Variants in KHDC1 observed in about 807,000 individuals in gnomAD.
The protein encoded by KHDC1 is KH domain containing 1.
In KHDC1, 21 loss-of-function variants were observed where a neutral mutation model predicts 24.7. That is an observed-to-expected ratio of 0.85 (90% confidence interval 0.60 to 1.23). The LOEUF (loss-of-function observed/expected upper bound fraction) is 1.23, where lower values mean the gene tolerates loss of function less well. KHDC1 is among the 50% of genes most tolerant of loss of function. The pLI is 0.00. For missense variants in KHDC1, 274 were observed against 298.5 expected, an observed-to-expected ratio of 0.92 and a Z score of 0.61; for synonymous variants, 98 against 111.7, an observed-to-expected ratio of 0.88 and a Z score of 0.77.
intron 1 of KHDC1, among the ~76,000 whole-genome samples, chr6:73,306,821 A>G (rs1422162898): frequency 6.6e-6 from 1 of 152,148 alleles, no homozygotes; most frequent in East Asian, 1.9e-4. Context: ...ATCCTGGCCA[A>G]CACGGTGAAA....
At chr6:73,257,616 C>T (rs959251231) in intron 2 of KHDC1, among the ~76,000 whole-genome samples, 3 of 151,962 alleles carry the variant, frequency 2.0e-5, no homozygotes, top group African/African-American at 4.8e-5. Flanking sequence ...CCAGGATGGT[C>T]TCAATCTCCT....
chr6:73,279,254 A>G (rs1233791385), intron 2 of KHDC1, among the ~76,000 whole-genome samples: 1 of 152,152 alleles, frequency 6.6e-6, no homozygotes, highest in East Asian at 1.9e-4. Flanking sequence ...TAAAAATACA[A>G]AAAACTTAGC....
intron 2 of KHDC1, among the ~76,000 whole-genome samples, chr6:73,289,016 G>C (rs554357205): frequency 6.6e-6 from 1 of 152,190 alleles, no homozygotes; most frequent in South Asian, 2.1e-4. Context: ...TTCAGCCACA[G>C]ACAGACAAAT....
At chr6:73,287,123 C>T (rs1256217616) in intron 2 of KHDC1, among the ~76,000 whole-genome samples, 6 of 152,254 alleles carry the variant, frequency 3.9e-5, no homozygotes, top group Middle Eastern at 3.4e-3. Flanking sequence ...CAAGAGGACC[C>T]AGAAAATATA....
intron 1 of KHDC1, among the ~76,000 whole-genome samples, chr6:73,305,907 C>G (rs1206267680): frequency 6.6e-6 from 1 of 152,156 alleles, no homozygotes; most frequent in Admixed American, 6.5e-5. Context: ...GATCTGCCCA[C>G]CTTGGCCTCC....
intron 2 of KHDC1, among the ~76,000 whole-genome samples, chr6:73,246,299 G>C (rs561537864): frequency 6.6e-6 from 1 of 152,148 alleles, no homozygotes; most frequent in Non-Finnish European, 1.5e-5. Context: ...TAACTTCTGG[G>C]AGAAGGTCAT....
intron 2 of KHDC1, among the ~76,000 whole-genome samples, chr6:73,243,309 A>ATGTTATGTT (rs1766609888): frequency 6.6e-6 from 1 of 152,154 alleles, no homozygotes; most frequent in African/African-American, 2.4e-5. Flanking sequence ...AGATTCAACT[A>ATGTTATGTT]TGCCTGTCAG....
intron 1 of KHDC1, chr6:73,293,347 G>A (rs1167419948): frequency 1.0e-5 from 5 of 479,762 alleles, no homozygotes; most frequent in African/African-American, 2.0e-5. Context: ...TTATATAAAG[G>A]GTGACTTACA....
chr6:73,283,991 C>G (rs1318733446), intron 2 of KHDC1, among the ~76,000 whole-genome samples: 1 of 152,014 alleles, frequency 6.6e-6, no homozygotes, highest in Admixed American at 6.6e-5. Flanking sequence ...GCATGGCTGA[C>G]CCCATCTTGC....
At chr6:73,244,970 G>A (rs1054855791) in intron 2 of KHDC1, among the ~76,000 whole-genome samples, 7 of 152,058 alleles carry the variant, frequency 4.6e-5, no homozygotes, top group South Asian at 2.1e-4. Flanking sequence ...TATAGTCTGC[G>A]AAAAAAGCAC....
chr6:73,284,823 T>C (rs1767490085), intron 2 of KHDC1: 1 of 152,096 alleles, frequency 6.6e-6, no homozygotes, highest in South Asian at 2.1e-4. Context: ...ATTAAAGGAT[T>C]GCCTGTGAAG....
chr6:73,243,528 A>G (rs1030325061), intron 2 of KHDC1, among the ~76,000 whole-genome samples: 1 of 152,256 alleles, frequency 6.6e-6, no homozygotes, highest in Admixed American at 6.5e-5. Flanking sequence ...ACACACAGTG[A>G]ATATATAATG....
chr6:73,294,658 A>G (rs1028818919), intron 1 of KHDC1, among the ~76,000 whole-genome samples: 1 of 152,228 alleles, frequency 6.6e-6, no homozygotes, highest in Non-Finnish European at 1.5e-5. Flanking sequence ...GTGATAAATT[A>G]TTTAATTTTA....
At chr6:73,290,569 G>A (rs1017374210) in intron 2 of KHDC1, 5 of 503,012 alleles carry the variant, frequency 9.9e-6, no homozygotes, top group African/African-American at 7.8e-5. Flanking sequence ...ATCTGAAGAG[G>A]AACTGGGAGA....
At chr6:73,272,857 T>TTTTC (rs1767206646) in intron 2 of KHDC1, among the ~76,000 whole-genome samples, 2 of 127,862 alleles carry the variant, frequency 1.6e-5, no homozygotes, top group African/African-American at 3.3e-5. Flanking sequence ...TTTTCTTTTC[T>TTTTC]TTTTCTTTTT....
At chr6:73,280,454 T>C (rs1018269334) in intron 2 of KHDC1, among the ~76,000 whole-genome samples, 1 of 151,696 alleles carries the variant, frequency 6.6e-6, no homozygotes, top group Non-Finnish European at 1.5e-5. Flanking sequence ...TGACCCAACA[T>C]GCCAAGCCAA....
At chr6:73,271,163 C>T (rs192836226) in intron 2 of KHDC1, among the ~76,000 whole-genome samples, 4 of 151,980 alleles carry the variant, frequency 2.6e-5, no homozygotes, top group Non-Finnish European at 5.9e-5. Context: ...CTATTAATTT[C>T]TTTTTGAAAT....
chr6:73,263,252 T>A (rs1178144307), intron 2 of KHDC1, 56 bp from the exon 1 acceptor site: 1 of 985,876 alleles, frequency 1.0e-6, no homozygotes, highest in Non-Finnish European at 1.2e-6. Flanking sequence ...CCCAGAGCCC[T>A]CCTCCCGCCT....
chr6:73,293,220 T>G (rs771821663), intron 1 of KHDC1: 90 of 680,480 alleles, frequency 1.3e-4, no homozygotes, highest in Non-Finnish European at 2.4e-4. Flanking sequence ...AGAAACTTAA[T>G]GACAATAGCA....
Sources: allele counts gnomAD v4.1 joint callset (sites outside exome capture counted in the v4.1 genomes callset), GRCh38; gene constraint gnomAD v4.1.1; transcripts MANE v1.5; gene names NCBI Gene and HGNC (gene_info 2026-07-23, HGNC 2026-07-21).